The following WWOX variants were observed in gnomAD, a reference collection of about 807,000 sequenced individuals.
WWOX encodes WW domain-containing oxidoreductase.
A neutral mutation model predicts 46.2 loss-of-function variants in WWOX; 69 were observed. That is an observed-to-expected ratio of 1.49 (90% CI 1.23 to 1.82). WWOX has a LOEUF of 1.82. Among genes scored for constraint, WWOX ranks in the 40% most tolerant of loss-of-function variants. The probability of loss-of-function intolerance (pLI) is 0.00; values close to 1 mark genes in which losing one functional copy is unlikely to be tolerated. For synonymous variants in WWOX, 359 were observed against 202.6 expected (o/e 1.77, Z -6.56); for missense variants, 919 against 542.6 (o/e 1.69, Z -6.89).
chr16:78,401,320 A>G (rs2082407884), intron 6 of WWOX, among the ~76,000 whole-genome samples: 2 of 152,256 alleles, frequency 1.3e-5, no homozygotes, highest in African/African-American at 4.8e-5. Flanking sequence ...AAGTTTAAAA[A>G]TTTTGAACCT....
chr16:79,187,976 C>T (rs1344037365), intron 8 of WWOX, among the ~76,000 whole-genome samples: 2 of 152,196 alleles, frequency 1.3e-5, no homozygotes, highest in African/African-American at 2.4e-5. Context: ...TCGAAATGTC[C>T]ACTCTCTCTC....
In WWOX at chr16:78,399,427, A is replaced by G. The variant is rs916579177; in HGVS notation, c.605+12479A>G. ...AAGGTTTTCTTACAAGGAATCTATGAACCTTAAGAGTGAGGGCTTCTGTTA... is the reference window on the plus strand; with the variant it reads ...AAGGTTTTCTTACAAGGAATCTATGGACCTTAAGAGTGAGGGCTTCTGTTA... On this transcript the variant is annotated intron_variant, in intron 6 of 8. Transcript: ENST00000566780. Among the ~76,000 whole-genome samples, 6 of 152,302 alleles carry G rather than the reference A, an allele frequency of 3.9e-5. No individual in the cohort carries two copies. The East Asian group carries it at 7.7e-4, about 20-fold the overall frequency.
chr16:78,823,160 C>G (rs1236030895), intron 8 of WWOX, among the ~76,000 whole-genome samples: 2 of 152,184 alleles, frequency 1.3e-5, no homozygotes, highest in African/African-American at 4.8e-5. Flanking sequence ...GCCTTTCAGC[C>G]CTGCTGCTGA....
In WWOX at chr16:78,757,029, G is replaced by C. The variant is rs77718657; in HGVS notation, c.1056+324277G>C. The stretch of plus-strand genomic sequence containing the variant: ...GCCAACAGCCATGTGAGTGAACCAC[G>C]TTCGAAGTTGATTCTGCAGCCCTAG... On this transcript the variant is annotated intron_variant, in intron 8 of 8. Coordinates refer to ENST00000566780, the MANE Select transcript of WWOX (RefSeq NM_016373.4). 1,519 of 702,876 alleles carry C rather than the reference G, an allele frequency of 2.2e-3. 19 individuals are homozygous for C. The highest frequency in any genetic ancestry group is 0.021 in the East Asian group (776 of 37,278). 43.5% of individuals were successfully genotyped at this position (702,876 alleles called of 1,614,324 possible). A position where few individuals can be genotyped will look rare whatever the true frequency, so the allele number is the denominator to read the frequency against.
intron 8 of WWOX, among the ~76,000 whole-genome samples, chr16:79,028,360 A>G (rs990413724): frequency 6.6e-6 from 1 of 151,886 alleles, no homozygotes; most frequent in Non-Finnish European, 1.5e-5. Flanking sequence ...TGTTCAAAAT[A>G]TAGCTAAATT....
At chr16:78,457,678 C>T (rs1161389352) in intron 8 of WWOX, among the ~76,000 whole-genome samples, 1 of 151,978 alleles carries the variant, frequency 6.6e-6, no homozygotes, top group African/African-American at 2.4e-5. Flanking sequence ...CTTTGGGAGG[C>T]CGAGGCAGGT....
chr16:78,929,924 G>A (rs1006159350), intron 8 of WWOX, among the ~76,000 whole-genome samples: 1 of 152,104 alleles, frequency 6.6e-6, no homozygotes, highest in African/African-American at 2.4e-5. Flanking sequence ...AGAGGTACAC[G>A]GTAGTTCAGG....
rs549480815 is a variant in WWOX, at chr16:79,134,558, G to A, written c.1057-77050G>A. Among the ~76,000 whole-genome samples the A allele has an allele frequency of 1.2e-4, 18 of 152,230 alleles. No homozygotes were observed. The East Asian group carries it at 3.5e-3, about 29-fold the overall frequency. On this transcript the variant is annotated intron_variant, in intron 8 of 8. Transcript: ENST00000566780. ...TACCTGGGGCCTCTTCCTCATTGCT[G>A]CTTACTTATTAGAACTCCACAGTAG...
At chr16:78,600,215 C>A (rs1295919674) in intron 8 of WWOX, among the ~76,000 whole-genome samples, 1 of 152,014 alleles carries the variant, frequency 6.6e-6, no homozygotes, top group African/African-American at 2.4e-5. Context: ...CGGGGCCCTC[C>A]CACAACACAT....
At chr16:79,181,845 T>G (rs927950656) in intron 8 of WWOX, among the ~76,000 whole-genome samples, 1 of 152,196 alleles carries the variant, frequency 6.6e-6, no homozygotes, top group East Asian at 1.9e-4. Context: ...TTTGCAGCTG[T>G]AGCATTTTAC....
intron 8 of WWOX, among the ~76,000 whole-genome samples, chr16:78,542,277 A>G (rs1292163583): frequency 1.3e-5 from 2 of 152,048 alleles, no homozygotes; most frequent in Non-Finnish European, 2.9e-5. Context: ...GACTGTAGAT[A>G]CTTGGGTAAG....
intron 6 of WWOX, among the ~76,000 whole-genome samples, chr16:78,387,248 A>G (rs1020945823): frequency 6.6e-6 from 1 of 152,218 alleles, no homozygotes; most frequent in African/African-American, 2.4e-5. Context: ...CCTGATTATA[A>G]GATTTTTTGT....
At chr16:78,568,387 C>G (rs1312272692) in intron 8 of WWOX, among the ~76,000 whole-genome samples, 1 of 151,738 alleles carries the variant, frequency 6.6e-6, no homozygotes, top group African/African-American at 2.4e-5. Context: ...CATTTAGAAT[C>G]ACTTTGAGTT....
intron 4 of WWOX, among the ~76,000 whole-genome samples, chr16:78,122,420 C>A (rs1187086384): frequency 6.6e-6 from 1 of 152,034 alleles, no homozygotes; most frequent in Non-Finnish European, 1.5e-5. Flanking sequence ...CAAAGTGGGT[C>A]AAACCCATAA....
intron 8 of WWOX, among the ~76,000 whole-genome samples, chr16:79,093,645 G>A (rs1012408024): frequency 2.0e-5 from 3 of 152,136 alleles, no homozygotes; most frequent in Non-Finnish European, 4.4e-5. Context: ...CAAACATCAC[G>A]ACATTACTTT....
rs147565113 is a variant in WWOX, at chr16:78,120,292, C to T, written c.409+5138C>T. Reference sequence around the variant, plus strand: ...AAAATGAAGGTATAAATATTTCAGCCGGGCGCGGTGGCTCACGCCTGTAAT... The same window carrying T: ...AAAATGAAGGTATAAATATTTCAGCTGGGCGCGGTGGCTCACGCCTGTAAT... On this transcript the variant is annotated intron_variant, in intron 4 of 8. Transcript: ENST00000566780. 3.8e-3 allele frequency among the ~76,000 whole-genome samples: 580 copies of T among 152,218 alleles called. 4 individuals are homozygous for T. The highest frequency in any genetic ancestry group is 0.014 in the Middle Eastern group (4 of 294).
chr16:78,742,173 T>C (rs1198913955), intron 8 of WWOX, among the ~76,000 whole-genome samples: 2 of 152,224 alleles, frequency 1.3e-5, no homozygotes, highest in East Asian at 3.9e-4. Flanking sequence ...ATGTAGATTG[T>C]ACATCGTTTG....
At chr16:78,254,960 G>T (rs1306101174) in intron 5 of WWOX, among the ~76,000 whole-genome samples, 1 of 152,194 alleles carries the variant, frequency 6.6e-6, no homozygotes, top group Middle Eastern at 3.2e-3. Flanking sequence ...GGTATGGAGG[G>T]CTGGGAGGAG....
At chr16:79,153,053 G>C (rs115496563) in intron 8 of WWOX, among the ~76,000 whole-genome samples, 3,626 of 152,240 alleles carry the variant, frequency 0.024, 146 homozygotes, top group African/African-American at 0.081. Context: ...CAGAGCGAGC[G>C]GAGGCCTGGT....
Sources: allele counts gnomAD v4.1 joint callset (sites outside exome capture counted in the v4.1 genomes callset), GRCh38; gene constraint gnomAD v4.1.1; transcripts MANE v1.5; gene names NCBI Gene and HGNC (gene_info 2026-07-23, HGNC 2026-07-21).